The following C6orf118 variants were observed in gnomAD, a reference collection of about 807,000 sequenced individuals.
C6orf118 encodes uncharacterized protein C6orf118.
C6orf118 carries 50 observed loss-of-function variants against 50.2 expected under a neutral mutation model. That is an observed-to-expected ratio of 1.00 (90% CI 0.79 to 1.26). The LOEUF (loss-of-function observed/expected upper bound fraction) is 1.26, where lower values mean the gene tolerates loss of function less well. Among genes scored for constraint, C6orf118 ranks in the 50% most tolerant of loss-of-function variants. The pLI is 0.00. For missense variants in C6orf118, 641 were observed against 578.7 expected, an observed-to-expected ratio of 1.11 and a Z score of -1.10; for synonymous variants, 239 against 230.9, an observed-to-expected ratio of 1.03 and a Z score of -0.32.
intron 1 of C6orf118, among the ~76,000 whole-genome samples, chr6:165,309,065 T>C (rs1259332642): frequency 6.6e-6 from 1 of 152,138 alleles, no homozygotes; most frequent in Non-Finnish European, 1.5e-5. Flanking sequence ...TAAAATCACA[T>C]TAATAGCACC....
At chr6:165,296,360 C>T (rs77161694) in intron 5 of C6orf118, among the ~76,000 whole-genome samples, 8,640 of 145,402 alleles carry the variant, frequency 0.059, 304 homozygotes, top group Non-Finnish European at 0.085. Flanking sequence ...CACAGTTTCT[C>T]GTGCTTCTCC....
At chr6:165,293,620 T>C (rs1331165134) in intron 5 of C6orf118, 149 bp from the exon 6 acceptor site, 7 of 588,684 alleles carry the variant, frequency 1.2e-5, no homozygotes, top group African/African-American at 1.9e-5. Context: ...AAGATATTTA[T>C]TAAATGACAG....
intron 7 of C6orf118, among the ~76,000 whole-genome samples, chr6:165,287,236 C>G (rs1205887186): frequency 6.6e-6 from 1 of 152,030 alleles, no homozygotes; most frequent in African/African-American, 2.4e-5. Flanking sequence ...AGTGAAATAC[C>G]TCTTCAAGGA....
intron 8 of C6orf118, 26 bp from the exon 9 acceptor site, chr6:165,280,136 C>T: frequency 6.8e-7 from 1 of 1,470,272 alleles, no homozygotes; most frequent in Non-Finnish European, 9.3e-7. Context: ...AAATGAATAC[C>T]ATAGGTTAGA....
intron 5 of C6orf118, among the ~76,000 whole-genome samples, chr6:165,295,655 T>A (rs1780266366): frequency 7.8e-6 from 1 of 127,872 alleles, no homozygotes; most frequent in Non-Finnish European, 1.6e-5. Flanking sequence ...TATTGTTTTT[T>A]TTTTTCGGTG....
At position 165,289,953 on chromosome 6, in the gene C6orf118, T is replaced by G; in HGVS notation, c.1235A>C (p.Glu412Ala). The G allele has an allele frequency of 6.2e-7, 1 of 1,611,406 alleles. No homozygotes were observed. The highest frequency in any genetic ancestry group is 8.5e-7 in the Non-Finnish European group (1 of 1,178,704). ...AGTATGAACCAAAGTTGTTTTAATTTCTTTTTCCAGAGCTTGTATCTCATC... is the reference window on the plus strand; with the variant it reads ...AGTATGAACCAAAGTTGTTTTAATTGCTTTTTCCAGAGCTTGTATCTCATC... Reference protein sequence around the residue: ...KWDEIQALEKEIKTTLVHTGI... With the variant: ...KWDEIQALEKAIKTTLVHTGI... Residue 412 changes from glutamate (E) to alanine (A), a missense_variant, in exon 7 of 9, where the codon GAA (glutamate) becomes GCA (alanine). Transcript: ENST00000230301.
At chr6:165,299,006 A>G (rs1780414120) in intron 4 of C6orf118, among the ~76,000 whole-genome samples, 1 of 152,222 alleles carries the variant, frequency 6.6e-6, no homozygotes, top group Admixed American at 6.5e-5. Context: ...TATTTGACCA[A>G]TCACATGTTT....
At chr6:165,293,176 G>A (rs932667076) in intron 6 of C6orf118, 2 of 467,248 alleles carry the variant, frequency 4.3e-6, no homozygotes, top group Admixed American at 3.4e-5. Flanking sequence ...CTCATGAAAT[G>A]CGTATTTTTC....
chr6:165,284,962 A>G (rs1779853053), intron 7 of C6orf118, among the ~76,000 whole-genome samples: 1 of 152,210 alleles, frequency 6.6e-6, no homozygotes, highest in Admixed American at 6.5e-5. Context: ...TTCACATATA[A>G]CAATATTAAC....
In C6orf118 at chr6:165,298,015, G is replaced by A. The variant is rs199716970; in HGVS notation, c.1023C>T (p.Leu341=). The change falls in exon 5 of 9, where the codon CTC becomes CTT. Residue 341 remains leucine, a synonymous_variant. Transcript: ENST00000230301. ...CCAGGGCTGCTTTTGTGGCTGTCAC[G>A]AGCATCCTCAGCTCTTCCCTGGCGA... ...MDLAREELRM[L]VTATKAALEQ... 4.4e-5 allele frequency: 71 copies of A among 1,613,882 alleles called. No homozygotes were observed. The Middle Eastern group carries it at 6.6e-4, about 15-fold the overall frequency.
At position 165,301,859 on chromosome 6, in the gene C6orf118, C is replaced by T; in HGVS notation, c.463G>A (p.Gly155Arg). The T allele has an allele frequency of 1.9e-6, 3 of 1,613,840 alleles. No individual in the cohort carries two copies. Among genetic ancestry groups the T allele is most frequent in the Non-Finnish European group, 2.5e-6 (3 of 1,180,006 alleles). Residue 155 changes from glycine (G) to arginine (R), a missense_variant, in exon 2 of 9, where the codon GGG becomes AGG. By Grantham distance (125) the Gly-to-Arg change is moderately radical (BLOSUM62 -2). Coordinates refer to ENST00000230301, the MANE Select transcript of C6orf118 (RefSeq NM_144980.4). ...DFLPVEAVRE[G>R]KEEKKGGPPG... is the part of the protein sequence containing the mutation. Reference sequence around the variant, plus strand: ...GGGCCTCCTTTCTTTTCTTCCTTCCCCTCTCTGACAGCCTCCACTGGAAGG... The same window carrying T: ...GGGCCTCCTTTCTTTTCTTCCTTCCTCTCTCTGACAGCCTCCACTGGAAGG...
chr6:165,302,720 T>C (rs1347550613), intron 1 of C6orf118, among the ~76,000 whole-genome samples: 10 of 152,156 alleles, frequency 6.6e-5, no homozygotes. Flanking sequence ...GGGGGTATTC[T>C]CACTTAATGA....
At chr6:165,286,385 G>C (rs111460855) in intron 7 of C6orf118, among the ~76,000 whole-genome samples, 1 of 151,934 alleles carries the variant, frequency 6.6e-6, no homozygotes, top group Non-Finnish European at 1.5e-5. Flanking sequence ...CTTCTGAAAC[G>C]CTTCCAAACA....
At chr6:165,293,602 A>T (rs771341351) in intron 5 of C6orf118, 131 bp from the exon 6 acceptor site, 52 of 641,944 alleles carry the variant, frequency 8.1e-5, no homozygotes, top group Non-Finnish European at 1.3e-4. Context: ...AACACGACAG[A>T]TACTCTGAAG....
intron 7 of C6orf118, 176 bp from the exon 8 acceptor site, chr6:165,281,869 G>A (rs1264820391): frequency 8.2e-6 from 3 of 366,780 alleles, no homozygotes; most frequent in Non-Finnish European, 1.5e-5. Context: ...TAATGAGAAG[G>A]AAAGATCCTG....
At chr6:165,288,074 C>G (rs529135456) in intron 7 of C6orf118, among the ~76,000 whole-genome samples, 4 of 152,018 alleles carry the variant, frequency 2.6e-5, no homozygotes, top group Admixed American at 1.3e-4. Flanking sequence ...GGAACTTGAA[C>G]AAATTTACAA....
Position 165,301,465 on chromosome 6 carries a change from CTGCCCCGAGAGGTT to C in C6orf118, c.753+90_753+103del, listed in dbSNP as rs1046649477. The C allele has an allele frequency of 2.2e-5, 32 of 1,451,106 alleles. No individual in the cohort carries two copies. The African/African-American group carries it at 4.0e-4, about 18-fold the overall frequency. 89.9% of individuals were successfully genotyped at this position (1,451,106 alleles called of 1,614,324 possible). On this transcript the variant is annotated intron_variant, in intron 2 of 8. Transcript: ENST00000230301. ...GCCCCAAGAGCTATGCCCCGGAGCT[CTGCCCCGAGAGGTT>C]TGCCCCAGAGCTGTGCCCTGAGAGC... is the stretch of plus-strand genomic sequence containing the variant.
rs1270049275 is a variant in C6orf118, at chr6:165,302,185, T to C, written c.137A>G (p.Asn46Ser). ...KTLCNLKKLLNRLQKDHREDV... is the reference protein window; with the variant it reads ...KTLCNLKKLLSRLQKDHREDV... ...CTCCCGGTGGTCTTTCTGAAGCCGA[T>C]TCAGAAGTTTCTTCAGATTACACAG... Residue 46 changes from asparagine to serine, a missense_variant, in exon 2 of 9, where the codon AAT becomes AGT. Asn to Ser is a conservative substitution (Grantham distance 46, BLOSUM62 1). Coordinates refer to ENST00000230301, the MANE Select transcript of C6orf118 (RefSeq NM_144980.4). 1.2e-6 allele frequency: 2 copies of C among 1,612,576 alleles called. No individual in the cohort carries two copies. Among genetic ancestry groups the C allele is most frequent in the African/African-American group, 1.4e-5 (1 of 73,774 alleles).
chr6:165,294,852 C>T (rs1168579787), intron 5 of C6orf118, among the ~76,000 whole-genome samples: 7 of 152,174 alleles, frequency 4.6e-5, no homozygotes, highest in African/African-American at 1.7e-4. Flanking sequence ...CACTACACTC[C>T]AGCCTGGGCA....
Sources: gnomAD v4.1 joint callset for allele counts (sites outside exome capture counted in the v4.1 genomes callset) on GRCh38, gnomAD v4.1.1 for gene constraint, MANE v1.5 for transcripts, NCBI Gene and HGNC (gene_info 2026-07-23, HGNC 2026-07-21) for gene names.